Variants in GRM4 observed in about 807,000 individuals in gnomAD.
GRM4 encodes the protein glutamate metabotropic receptor 4, also known as metabotropic glutamate receptor 4.
Under a neutral mutation model 81.7 loss-of-function variants are expected in GRM4, and 28 were observed. The ratio of observed to expected loss-of-function variants is 0.34; its 90% CI spans 0.25 to 0.47. GRM4 has a LOEUF of 0.47. GRM4 is among the 20% of genes least tolerant of loss of function. GRM4 has a pLI of 1.00. For synonymous variants in GRM4, 488 were observed against 528.8 expected (o/e 0.92, Z 1.06); for missense variants, 948 against 1,290.0 (o/e 0.73, Z 4.06).
At position 34,133,913 on chromosome 6, in the gene GRM4, TA is replaced by T. The variant is rs1375990462; in HGVS notation, c.-363-55del. ...TCAAACAGAAGCCCAAAGAAGACAT[TA>T]GCTAGTCTCATCTCTCATCAGGAGC... On this transcript the variant is annotated intron_variant, in intron 1 of 10. Transcript: ENST00000538487. This position sits in a 1 kb window ranked among gnomAD's most constrained non-coding sequence, Gnocchi z 6.5. 1 of 809,968 alleles carries T rather than the reference TA, an allele frequency of 1.2e-6. No individual in the cohort carries two copies. The highest frequency in any genetic ancestry group is 1.1e-4 in the East Asian group (1 of 8,960). 50.2% of individuals were successfully genotyped at this position (809,968 alleles called of 1,614,324 possible).
At position 34,114,525 on chromosome 6, in the gene GRM4, G is replaced by A. The variant is rs1340481731; in HGVS notation, c.519+18453C>T. ...AATCCAAGCAGGCACCATCCTGCAGGATCAAGTCCACCTTCTTGACCTAAG... is the reference window on the plus strand; with the variant it reads ...AATCCAAGCAGGCACCATCCTGCAGAATCAAGTCCACCTTCTTGACCTAAG... On this transcript the variant is annotated intron_variant, in intron 2 of 10. Transcript: ENST00000538487. This position sits in a 1 kb window ranked among gnomAD's most constrained non-coding sequence, Gnocchi z 4.3. 6.6e-6 allele frequency among the ~76,000 whole-genome samples: 1 copy of A among 152,006 alleles called. No homozygotes were observed. Among genetic ancestry groups the A allele is most frequent in the Non-Finnish European group, 1.5e-5 (1 of 68,020 alleles).
intron 2 of GRM4, among the ~76,000 whole-genome samples, chr6:34,104,300 G>C (rs1048470951): frequency 6.6e-6 from 1 of 152,226 alleles, no homozygotes; most frequent in African/African-American, 2.4e-5. Flanking sequence ...GGCTGGGCCA[G>C]GGCCAGGCAT....
At chr6:34,031,186 G>A (rs562511119) in intron 9 of GRM4, among the ~76,000 whole-genome samples, 6 of 152,160 alleles carry the variant, frequency 3.9e-5, no homozygotes, top group Admixed American at 6.5e-5. Flanking sequence ...AGCGAGAGGC[G>A]GCCTTCGGGC....
chr6:34,077,652 C>A (rs1425942473), intron 3 of GRM4, among the ~76,000 whole-genome samples: 1 of 152,104 alleles, frequency 6.6e-6, no homozygotes, highest in East Asian at 1.9e-4. Flanking sequence ...TCCTCTCCCA[C>A]CCCCAACTCT....
At chr6:34,110,251 G>A (rs377042523) in intron 2 of GRM4, among the ~76,000 whole-genome samples, 25 of 142,112 alleles carry the variant, frequency 1.8e-4, no homozygotes, top group Non-Finnish European at 3.0e-4. Context: ...CCATGGTTGC[G>A]CTACTGCACT....
In GRM4 at chr6:34,022,531, G is replaced by T; in HGVS notation, c.*290C>A. The T allele has an allele frequency of 2.0e-6, 1 of 496,106 alleles. No homozygotes were observed. Among genetic ancestry groups the T allele is most frequent in the Non-Finnish European group, 3.7e-6 (1 of 273,296 alleles). 30.7% of individuals were successfully genotyped at this position (496,106 alleles called of 1,614,324 possible). ...AGGGAGGGAGAGATCTAGCACTGGG[G>T]CCCACACGACCTGAGCCCCTGTGGT... is the stretch of plus-strand genomic sequence containing the variant. On this transcript the variant is annotated 3_prime_UTR_variant, in exon 11 of 11. Coordinates refer to ENST00000538487, the MANE Select transcript of GRM4 (RefSeq NM_000841.4). The surrounding 1 kb of genome is among the most constrained non-coding windows in gnomAD (Gnocchi z 5.6).
At chr6:34,117,996 T>G (rs1769663555) in intron 2 of GRM4, among the ~76,000 whole-genome samples, 1 of 152,174 alleles carries the variant, frequency 6.6e-6, no homozygotes, top group Admixed American at 6.5e-5. Flanking sequence ...TCAAGGATAT[T>G]GGAACATGCT....
chr6:34,120,640 G>A (rs1331719125), intron 2 of GRM4, among the ~76,000 whole-genome samples: 2 of 152,116 alleles, frequency 1.3e-5, no homozygotes, highest in Non-Finnish European at 2.9e-5. Flanking sequence ...CCTTTGTCAG[G>A]TCCCCAGCTC....
At chr6:34,128,285 G>A (rs973620272) in intron 2 of GRM4, among the ~76,000 whole-genome samples, 1 of 151,968 alleles carries the variant, frequency 6.6e-6, no homozygotes, top group African/African-American at 2.4e-5. Flanking sequence ...TTAAGGCCCA[G>A]CTACAAGCTG....
At chr6:34,056,343 C>T in intron 6 of GRM4, 1 of 588,210 alleles carries the variant, frequency 1.7e-6, no homozygotes, top group African/African-American at 1.9e-5. Flanking sequence ...CTCAAGGCCA[C>T]ACCCCAAATC....
chr6:34,137,338 C>T (rs748325721), intron 1 of GRM4, among the ~76,000 whole-genome samples: 9 of 152,238 alleles, frequency 5.9e-5, no homozygotes, highest in Admixed American at 1.3e-4. Flanking sequence ...GGGATGAGAG[C>T]GACTGGGTCA....
intron 3 of GRM4, among the ~76,000 whole-genome samples, chr6:34,072,633 C>T (rs1766996074): frequency 6.7e-6 from 1 of 149,824 alleles, no homozygotes; most frequent in Non-Finnish European, 1.5e-5. Flanking sequence ...CGCATAGATA[C>T]ACACCACACA....
intron 10 of GRM4, among the ~76,000 whole-genome samples, chr6:34,027,609 C>T (rs1228081422): frequency 6.6e-6 from 1 of 152,212 alleles, no homozygotes; most frequent in East Asian, 1.9e-4. Flanking sequence ...CAAAGCCGAG[C>T]TGGGTGTTAC....
rs3997807 is a variant in GRM4, at chr6:34,096,934, C to G, written c.520-4835G>C. Among the ~76,000 whole-genome samples the G allele has an allele frequency of 9.0e-3, 611 of 68,236 alleles. 5 individuals carry two copies. Among genetic ancestry groups the G allele is most frequent in the South Asian group, 0.041 (70 of 1,696 alleles). The allele number at this position is 68,236 out of a possible 152,430, so 44.8% of individuals were successfully genotyped here. The stretch of plus-strand genomic sequence containing the variant: ...CATCTGAGTGTGTGTGTGTGTGTGT[C>G]TGTGTGAGTGTGTGCATGCACGTGG... On this transcript the variant is annotated intron_variant, in intron 2 of 10. Transcript: ENST00000538487.
intron 2 of GRM4, among the ~76,000 whole-genome samples, chr6:34,117,834 G>A (rs936106014): frequency 1.3e-5 from 2 of 152,188 alleles, no homozygotes; most frequent in African/African-American, 4.8e-5. Context: ...ATCTCCTCAT[G>A]GAGAGAGGCC....
chr6:34,075,020 G>A (rs188552952), intron 3 of GRM4, among the ~76,000 whole-genome samples: 70 of 129,176 alleles, frequency 5.4e-4, no homozygotes, highest in South Asian at 1.6e-3. Context: ...CTTGCACAGC[G>A]TCAGAGGCCA....
intron 3 of GRM4, among the ~76,000 whole-genome samples, chr6:34,077,503 A>G (rs888485054): frequency 6.6e-6 from 1 of 151,840 alleles, no homozygotes; most frequent in Admixed American, 6.6e-5. Context: ...TGGCCCTTAC[A>G]ACTTTCCACC....
At chr6:34,147,985 C>T (rs1770973345), upstream of GRM4, among the ~76,000 whole-genome samples, 1 of 152,170 alleles carries the variant, frequency 6.6e-6, no homozygotes, top group South Asian at 2.1e-4. Flanking sequence ...ATAAAACAAA[C>T]CCAGCCACTC....
At position 34,152,523 on chromosome 6, in the gene GRM4, C is replaced by A. The variant is rs1771065704; in HGVS notation, c.312+2556G>T. 6.6e-6 allele frequency among the ~76,000 whole-genome samples: 1 copy of A among 152,120 alleles called. No individual in the cohort carries two copies. On this transcript the variant is annotated intron_variant, in intron 1 of 8. Transcript: ENST00000374177. This position sits in a 1 kb window ranked among gnomAD's most constrained non-coding sequence, Gnocchi z 4.1. Reference sequence around the variant, plus strand: ...GGAGGCAGCAGCATTTCTGCAAACACCCCTTGTCCTCCTCCTCCTCTTCAG... The same window carrying A: ...GGAGGCAGCAGCATTTCTGCAAACAACCCTTGTCCTCCTCCTCCTCTTCAG...
Sources: allele counts gnomAD v4.1 joint callset (sites outside exome capture counted in the v4.1 genomes callset), GRCh38; gene constraint gnomAD v4.1.1; non-coding constraint Gnocchi (gnomAD v3.1); transcripts MANE v1.5; gene names NCBI Gene and HGNC (gene_info 2026-07-23, HGNC 2026-07-21).